Variants in MICU3 observed in about 807,000 individuals in gnomAD.
The protein encoded by MICU3 is mitochondrial calcium uptake 3.
In MICU3, 62 loss-of-function variants were observed where a neutral mutation model predicts 66.5. The observed-to-expected ratio is 0.93, with a 90% CI of 0.76 to 1.15. The LOEUF (loss-of-function observed/expected upper bound fraction) is 1.15, where lower values mean the gene tolerates loss of function less well. Ranked by LOEUF, MICU3 falls within the 50% of genes most tolerant of loss-of-function variation. The probability of loss-of-function intolerance (pLI) is 0.00; values close to 1 mark genes in which losing one functional copy is unlikely to be tolerated. For synonymous variants in MICU3, 308 were observed against 240.7 expected (o/e 1.28, Z -2.59); for missense variants, 779 against 664.4 (o/e 1.17, Z -1.90).
At chr8:17,103,105 T>A (rs1445371629) in intron 9 of MICU3, among the ~76,000 whole-genome samples, 2 of 151,918 alleles carry the variant, frequency 1.3e-5, no homozygotes, top group African/African-American at 4.8e-5. Flanking sequence ...TTTAATGCAT[T>A]AAAAGGGGAC....
At chr8:17,128,845 C>G in the MICU3 span, among the ~76,000 whole-genome samples, 2 of 152,066 alleles carry the variant, frequency 1.3e-5, no homozygotes, top group African/African-American at 4.8e-5. Context: ...GACAGAGTAC[C>G]AGGGAAGGGG....
rs1803226956 is a variant in MICU3 at position 17,121,969 on chromosome 8, G to GT, written c.*1683dup. 1 of 151,588 alleles carries GT rather than the reference G, an allele frequency of 6.6e-6. No homozygotes were observed. The highest frequency in any genetic ancestry group is 2.1e-4 in the South Asian group (1 of 4,826). The allele number at this position is 151,588 out of a possible 1,614,324, so 9.4% of individuals were successfully genotyped here. On this transcript the variant is annotated 3_prime_UTR_variant, in exon 15 of 15. Coordinates refer to ENST00000318063, the MANE Select transcript of MICU3 (RefSeq NM_181723.3). ...TTCTTAATATGATTTGGTACCTAAA[G>GT]TAATTGAAAAAAATGCAGTTTCCTT...
intron 2 of MICU3, among the ~76,000 whole-genome samples, chr8:17,069,266 G>T (rs149841074): frequency 6.6e-6 from 1 of 151,992 alleles, no homozygotes; most frequent in Admixed American, 6.6e-5. Context: ...TGGAACACTA[G>T]TATAGCAAAG....
intron 11 of MICU3, among the ~76,000 whole-genome samples, chr8:17,112,016 C>T (rs1216726941): frequency 2.0e-5 from 3 of 152,044 alleles, no homozygotes; most frequent in African/African-American, 7.3e-5. Context: ...TTTATAAGAC[C>T]ATCAGATCTC....
chr8:17,121,445 G>A lies in MICU3; in HGVS notation c.*1158G>A, dbSNP rs1393298479. 3 of 151,726 alleles carry A rather than the reference G, an allele frequency of 2.0e-5. No homozygotes were observed. The highest frequency in any genetic ancestry group is 4.4e-5 in the Non-Finnish European group (3 of 67,742). The allele number at this position is 151,726 out of a possible 1,614,324, so 9.4% of individuals were successfully genotyped here. A position where few individuals can be genotyped will look rare whatever the true frequency, so the allele number is the denominator to read the frequency against. The stretch of plus-strand genomic sequence containing the variant: ...AGAAACAATTTGATAATACTTAATA[G>A]AAATCTGTTCAATTAAAAATGCTTA... On this transcript the variant is annotated 3_prime_UTR_variant, in exon 15 of 15. Coordinates refer to ENST00000318063, the MANE Select transcript of MICU3 (RefSeq NM_181723.3).
At chr8:17,069,106 T>TA (rs2150665284) in intron 2 of MICU3, among the ~76,000 whole-genome samples, 1 of 152,286 alleles carries the variant, frequency 6.6e-6, no homozygotes, top group African/African-American at 2.4e-5. Context: ...GTAACACTCT[T>TA]ACTCCAGTGA....
At chr8:17,105,816 A>G (rs376207414) in intron 11 of MICU3, among the ~76,000 whole-genome samples, 1 of 152,026 alleles carries the variant, frequency 6.6e-6, no homozygotes, top group Admixed American at 6.6e-5. Context: ...TTAGGCTACT[A>G]CCAATTGTTT....
chr8:17,123,705 C>T (rs1189249152), downstream of MICU3, among the ~76,000 whole-genome samples: 1 of 151,302 alleles, frequency 6.6e-6, no homozygotes, highest in African/African-American at 2.4e-5. Context: ...ATTTATATGT[C>T]AATAAATAGA....
At chr8:17,041,335 G>A (rs1274671487) in intron 1 of MICU3, among the ~76,000 whole-genome samples, 1 of 151,964 alleles carries the variant, frequency 6.6e-6, no homozygotes, top group Non-Finnish European at 1.5e-5. Flanking sequence ...TTTTCGGAAA[G>A]GAAGCAGTCA....
At chr8:17,134,936 T>A in the MICU3 span, among the ~76,000 whole-genome samples, 4 of 152,206 alleles carry the variant, frequency 2.6e-5, no homozygotes, top group African/African-American at 9.6e-5. Context: ...ACACATGACG[T>A]TAACCATCAC....
the MICU3 span, among the ~76,000 whole-genome samples, chr8:17,136,374 G>A: frequency 3.3e-5 from 5 of 152,010 alleles, no homozygotes; most frequent in Non-Finnish European, 7.4e-5. Context: ...GGTTAAATAC[G>A]AAGTCCCTTG....
chr8:17,115,361 C>T (rs949526205), intron 12 of MICU3, among the ~76,000 whole-genome samples: 2 of 152,074 alleles, frequency 1.3e-5, no homozygotes, highest in Non-Finnish European at 2.9e-5. Context: ...GTTTTAAAGC[C>T]AAAACCTTTG....
chr8:17,107,969 C>T (rs887453709), intron 11 of MICU3, among the ~76,000 whole-genome samples: 2 of 152,028 alleles, frequency 1.3e-5, no homozygotes, highest in Non-Finnish European at 2.9e-5. Flanking sequence ...GGTGCCCAGG[C>T]AATAGATAAG....
chr8:17,041,628 G>A (rs566889127), intron 1 of MICU3, among the ~76,000 whole-genome samples: 106 of 152,088 alleles, frequency 7.0e-4, no homozygotes, highest in African/African-American at 2.1e-3. Flanking sequence ...CCTCGATCGT[G>A]TTTAAATGCT....
At chr8:17,084,857 C>T (rs1163746989) in intron 5 of MICU3, among the ~76,000 whole-genome samples, 2 of 151,904 alleles carry the variant, frequency 1.3e-5, no homozygotes, top group African/African-American at 2.4e-5. Flanking sequence ...TCCCAAGAAT[C>T]GGAACTAGTT....
chr8:17,104,922 G>A (rs1801608021), intron 10 of MICU3, among the ~76,000 whole-genome samples: 1 of 41,082 alleles, frequency 2.4e-5, no homozygotes, highest in Admixed American at 2.2e-4. Context: ...GTGAACCCGG[G>A]AGGCGGAGCT....
intron 3 of MICU3, among the ~76,000 whole-genome samples, chr8:17,071,115 A>G (rs1218703185): frequency 6.6e-6 from 1 of 151,798 alleles, no homozygotes; most frequent in East Asian, 2.0e-4. Flanking sequence ...GTAGAAAGCT[A>G]AGCCTCAAAT....
intron 1 of MICU3, among the ~76,000 whole-genome samples, chr8:17,041,177 A>C (rs1020957611): frequency 6.6e-6 from 1 of 152,114 alleles, no homozygotes; most frequent in Non-Finnish European, 1.5e-5. Flanking sequence ...AGAGAAAAGC[A>C]TCTAAGGAGA....
intron 13 of MICU3, among the ~76,000 whole-genome samples, chr8:17,117,242 T>G (rs1003954116): frequency 6.6e-6 from 1 of 152,058 alleles, no homozygotes; most frequent in Non-Finnish European, 1.5e-5. Flanking sequence ...CCTCCCAAAG[T>G]GCTAAGATTA....
Sources: gnomAD v4.1 joint callset for allele counts (sites outside exome capture counted in the v4.1 genomes callset) on GRCh38, gnomAD v4.1.1 for gene constraint, MANE v1.5 for transcripts, NCBI Gene and HGNC (gene_info 2026-07-23, HGNC 2026-07-21) for gene names.